UBAC2: variants seen among roughly 807,000 people sequenced by gnomAD.
UBAC2 encodes ubiquitin-associated domain-containing protein 2.
Under a neutral mutation model 44.0 loss-of-function variants are expected in UBAC2, and 26 were observed. The observed-to-expected ratio is 0.59, with a 90% CI of 0.43 to 0.82. UBAC2 has a LOEUF of 0.82. UBAC2 is among the 40% of genes least tolerant of loss of function. UBAC2 has a pLI of 0.00. For missense variants in UBAC2, 329 were observed against 419.4 expected, an observed-to-expected ratio of 0.78 and a Z score of 1.88; for synonymous variants, 155 against 154.3, an observed-to-expected ratio of 1.00 and a Z score of -0.04.
At position 99,247,209 on chromosome 13, in the gene UBAC2, GTTTTGTT is replaced by G. The variant is rs1566466298; in HGVS notation, c.389+2588_389+2594del. The stretch of plus-strand genomic sequence containing the variant: ...AGAAAACTACTGTTTTTTTTTTTTT[GTTTTGTT>G]TTGTTTTGTTTTTCTTGAGACGGAG... On this transcript the variant is annotated intron_variant, in intron 4 of 8. Transcript: ENST00000403766. Among the ~76,000 whole-genome samples the G allele has an allele frequency of 2.1e-5, 3 of 143,362 alleles. No individual in the cohort carries two copies. The South Asian group carries it at 6.8e-4, about 32-fold the overall frequency. 94.1% of individuals were successfully genotyped at this position (143,362 alleles called of 152,430 possible).
intron 7 of UBAC2, among the ~76,000 whole-genome samples, chr13:99,361,847 A>G (rs914564113): frequency 1.3e-5 from 2 of 152,156 alleles, no homozygotes; most frequent in African/African-American, 4.8e-5. Flanking sequence ...AAAAGTTAAA[A>G]TAGACCAGAC....
At chr13:99,246,133 A>G (rs1202253124) in intron 4 of UBAC2, among the ~76,000 whole-genome samples, 2 of 152,246 alleles carry the variant, frequency 1.3e-5, no homozygotes, top group African/African-American at 4.8e-5. Flanking sequence ...TTAGTGTTCT[A>G]ATAGCTTTCG....
At chr13:99,364,348 ATACAGCACATCATAC>A (rs2045303776) in intron 7 of UBAC2, among the ~76,000 whole-genome samples, 2 of 149,566 alleles carry the variant, frequency 1.3e-5, no homozygotes, top group South Asian at 4.3e-4. Flanking sequence ...ATAAATCCTA[ATACAGCACATCATAC>A]TAGATAAGAG....
intron 4 of UBAC2, chr13:99,307,340 A>G (rs1360706785): frequency 6.6e-6 from 1 of 152,204 alleles, no homozygotes; most frequent in Non-Finnish European, 1.5e-5. Context: ...TTGTACTTAC[A>G]TATCAGTGAC....
intron 2 of UBAC2, among the ~76,000 whole-genome samples, chr13:99,242,290 C>A (rs1307312341): frequency 6.6e-6 from 1 of 152,020 alleles, no homozygotes; most frequent in Non-Finnish European, 1.5e-5. Flanking sequence ...GGCAGAGGTG[C>A]CCCTCACCTC....
intron 4 of UBAC2, among the ~76,000 whole-genome samples, chr13:99,251,842 G>A (rs949192295): frequency 6.6e-6 from 1 of 152,030 alleles, no homozygotes; most frequent in African/African-American, 2.4e-5. Context: ...GTCAACTGTG[G>A]GTATTCTGTG....
At chr13:99,297,185 A>G (rs1211862765) in intron 4 of UBAC2, among the ~76,000 whole-genome samples, 1 of 152,198 alleles carries the variant, frequency 6.6e-6, no homozygotes, top group Admixed American at 6.5e-5. Context: ...TGAAAAATGG[A>G]AAACTCCTAC....
At chr13:99,201,351 C>A in intron 1 of UBAC2, 1 of 1,553,850 alleles carries the variant, frequency 6.4e-7, no homozygotes, top group South Asian at 1.2e-5. Flanking sequence ...ACTAACTCCC[C>A]CCGCCCCCAC....
intron 8 of UBAC2, among the ~76,000 whole-genome samples, chr13:99,383,743 A>AC (rs5806112): frequency 0.25 from 38,319 of 152,026 alleles, 6,010 homozygotes; most frequent in Non-Finnish European, 0.35. Context: ...CATGGGCGGC[A>AC]CCCCCCGTTT....
chr13:99,235,711 A>T (rs1368834133), intron 1 of UBAC2, among the ~76,000 whole-genome samples: 2 of 152,212 alleles, frequency 1.3e-5, no homozygotes, highest in Non-Finnish European at 2.9e-5. Context: ...GCAGTGGCTC[A>T]TGCCTATCAT....
chr13:99,307,599 G>A (rs1365534013), intron 4 of UBAC2, among the ~76,000 whole-genome samples: 2 of 151,646 alleles, frequency 1.3e-5, no homozygotes, highest in South Asian at 4.2e-4. Flanking sequence ...CTATCCAAAA[G>A]CCCCTTGGAA....
chr13:99,231,807 A>G (rs2043176131), intron 1 of UBAC2, among the ~76,000 whole-genome samples: 1 of 152,220 alleles, frequency 6.6e-6, no homozygotes, highest in Non-Finnish European at 1.5e-5. Context: ...AAGATGAGGC[A>G]ACACAACTAC....
At chr13:99,296,162 G>A (rs369646056) in intron 4 of UBAC2, 9 of 1,549,094 alleles carry the variant, frequency 5.8e-6, no homozygotes, top group Non-Finnish European at 7.8e-6. Context: ...TGGTCCAGGT[G>A]TCTAGAAAAA....
intron 1 of UBAC2, 161 bp downstream of exon 1, chr13:99,201,100 A>T (rs1052435966): frequency 4.4e-5 from 59 of 1,352,260 alleles, no homozygotes; most frequent in Non-Finnish European, 5.5e-5. Flanking sequence ...CTTGGGGGTC[A>T]GCGGAAACCG....
chr13:99,211,745 T>C (rs9517649), intron 1 of UBAC2, among the ~76,000 whole-genome samples: 38,270 of 152,142 alleles, frequency 0.25, 6,037 homozygotes, highest in Non-Finnish European at 0.35. Context: ...TTCTCAGCCT[T>C]AAAGAAGTTT....
At chr13:99,383,604 C>A (rs1359229294) in intron 8 of UBAC2, among the ~76,000 whole-genome samples, 1 of 152,242 alleles carries the variant, frequency 6.6e-6, no homozygotes, top group Non-Finnish European at 1.5e-5. Context: ...CCTGGCAGCC[C>A]TTCTTGGCTT....
intron 4 of UBAC2, among the ~76,000 whole-genome samples, chr13:99,274,807 A>G (rs1489358484): frequency 6.7e-6 from 1 of 149,786 alleles, no homozygotes; most frequent in Non-Finnish European, 1.5e-5. Context: ...AGCCTCAACT[A>G]CCTGGCCTCA....
intron 7 of UBAC2, among the ~76,000 whole-genome samples, chr13:99,342,462 C>G (rs538332659): frequency 6.6e-6 from 1 of 152,222 alleles, no homozygotes; most frequent in African/African-American, 2.4e-5. Flanking sequence ...AGTGACTGTT[C>G]TGCTTGCAGA....
intron 6 of UBAC2, among the ~76,000 whole-genome samples, chr13:99,335,487 C>T (rs1485193800): frequency 6.6e-6 from 1 of 152,092 alleles, no homozygotes; most frequent in Admixed American, 6.5e-5. Context: ...CACCCCTCTA[C>T]AGCAAAGACT....
Sources: gnomAD v4.1 joint callset for allele counts (sites outside exome capture counted in the v4.1 genomes callset) on GRCh38, gnomAD v4.1.1 for gene constraint, MANE v1.5 for transcripts, NCBI Gene and HGNC (gene_info 2026-07-23, HGNC 2026-07-21) for gene names.